Variants in ADAD1 observed in about 807,000 individuals in gnomAD.
The protein encoded by ADAD1 is adenosine deaminase domain containing 1.
ADAD1 carries 46 observed loss-of-function variants against 66.8 expected under a neutral mutation model. The observed-to-expected ratio is 0.69, with a 90% CI of 0.54 to 0.88. The LOEUF is 0.88. ADAD1 is among the 40% of genes least tolerant of loss of function. The probability of loss-of-function intolerance (pLI) is 0.00; values close to 1 mark genes in which losing one functional copy is unlikely to be tolerated. For synonymous variants in ADAD1, 248 were observed against 229.4 expected (o/e 1.08, Z -0.73); for missense variants, 617 against 681.8 (o/e 0.91, Z 1.06).
At chr4:122,404,922 TA>T (rs755699864) in intron 7 of ADAD1, among the ~76,000 whole-genome samples, 3 of 152,200 alleles carry the variant, frequency 2.0e-5, no homozygotes, top group Non-Finnish European at 4.4e-5. Flanking sequence ...CACATCTTGC[TA>T]AATTCCTTCT....
chr4:122,422,311 G>A (rs886526324), intron 12 of ADAD1, among the ~76,000 whole-genome samples: 1 of 152,058 alleles, frequency 6.6e-6, no homozygotes, highest in African/African-American at 2.4e-5. Context: ...TTTCAGTAGA[G>A]ACGGGGTTTC....
intron 12 of ADAD1, among the ~76,000 whole-genome samples, chr4:122,427,923 A>G (rs1797328262): frequency 6.6e-6 from 1 of 152,220 alleles, no homozygotes. Flanking sequence ...TATAGTAATT[A>G]AGACAATGTA....
At chr4:122,423,509 A>C (rs1379056681) in intron 12 of ADAD1, among the ~76,000 whole-genome samples, 1 of 152,220 alleles carries the variant, frequency 6.6e-6, no homozygotes, top group African/African-American at 2.4e-5. Context: ...TTTCACATAC[A>C]AGTTGATCAG....
chr4:122,429,126 T>TAA (rs778440960), intron 12 of ADAD1, among the ~76,000 whole-genome samples: 16 of 139,980 alleles, frequency 1.1e-4, no homozygotes, highest in East Asian at 2.0e-4. Context: ...TTTAAAATGT[T>TAA]AAAAAAAAAA....
chr4:122,422,128 T>C (rs1436833776), intron 12 of ADAD1, among the ~76,000 whole-genome samples: 1 of 146,512 alleles, frequency 6.8e-6, no homozygotes, highest in Non-Finnish European at 1.5e-5. Flanking sequence ...ATCCTTTTTT[T>C]TTTTTTTTTT....
At chr4:122,412,010 G>A (rs1796488627) in intron 9 of ADAD1, among the ~76,000 whole-genome samples, 1 of 152,034 alleles carries the variant, frequency 6.6e-6, no homozygotes, top group African/African-American at 2.4e-5. Flanking sequence ...AATATCATCA[G>A]GTAGCATAAC....
intron 2 of ADAD1, 57 bp from the exon 3 acceptor site, chr4:122,380,005 T>C (rs1794804863): frequency 2.6e-6 from 4 of 1,511,098 alleles, no homozygotes; most frequent in Non-Finnish European, 3.6e-6. Flanking sequence ...GGAGTAAATA[T>C]TTTCAGTTTA....
At chr4:122,410,966 A>G (rs1266672044) in intron 8 of ADAD1, among the ~76,000 whole-genome samples, 2 of 152,170 alleles carry the variant, frequency 1.3e-5, no homozygotes, top group Non-Finnish European at 2.9e-5. Context: ...GGGAGACTCT[A>G]ATGTGAAACA....
At chr4:122,388,278 A>G (rs889749575) in intron 5 of ADAD1, among the ~76,000 whole-genome samples, 6 of 152,180 alleles carry the variant, frequency 3.9e-5, no homozygotes, top group Admixed American at 2.0e-4. Flanking sequence ...CCAGTATTTC[A>G]TTGAAGATTT....
chr4:122,428,082 C>CAAAA (rs60711682), intron 12 of ADAD1, among the ~76,000 whole-genome samples: 68,604 of 151,554 alleles, frequency 0.45, 16,222 homozygotes, highest in Middle Eastern at 0.61. Context: ...GTGGGTAAAA[C>CAAAA]AATTAACTTA....
chr4:122,416,387 T>C (rs1399616081), intron 11 of ADAD1, among the ~76,000 whole-genome samples: 2 of 152,220 alleles, frequency 1.3e-5, no homozygotes, highest in Non-Finnish European at 2.9e-5. Flanking sequence ...TTTAAATGCT[T>C]AAAATTGCTT....
At chr4:122,428,298 C>A (rs1408185561) in intron 12 of ADAD1, among the ~76,000 whole-genome samples, 1 of 151,920 alleles carries the variant, frequency 6.6e-6, no homozygotes, top group Non-Finnish European at 1.5e-5. Context: ...CATTTGACTC[C>A]AAAATAAAAT....
rs555644016 is a variant in ADAD1 at position 122,429,509 on chromosome 4, TAAAA to T, written c.1618-114_1618-111del. The T allele has an allele frequency of 5.0e-6, 3 of 595,734 alleles. No individual in the cohort carries two copies. In the East Asian group the frequency reaches 8.8e-5, roughly 17 times the overall value. 36.9% of individuals were successfully genotyped at this position (595,734 alleles called of 1,614,324 possible). On this transcript the variant is annotated intron_variant, in intron 12 of 12. Transcript: ENST00000296513. ...TTCAAAAATATTAAAATATAGGAATTAAAAAAGACTTTGATTAACTTTTTTAAAT... is the reference window on the plus strand; with the variant it reads ...TTCAAAAATATTAAAATATAGGAATTAAGACTTTGATTAACTTTTTTAAAT...
At chr4:122,381,291 T>G (rs994776468) in intron 4 of ADAD1, 111 bp downstream of exon 4, 1 of 1,099,764 alleles carries the variant, frequency 9.1e-7, no homozygotes, top group Non-Finnish European at 1.3e-6. Flanking sequence ...TGATTGTATG[T>G]TTTCACAAGA....
At chr4:122,398,601 A>G (rs1162415003) in intron 7 of ADAD1, among the ~76,000 whole-genome samples, 1 of 152,086 alleles carries the variant, frequency 6.6e-6, no homozygotes, top group Non-Finnish European at 1.5e-5. Flanking sequence ...CAGCATTGTA[A>G]AAGTATTCCT....
intron 8 of ADAD1, among the ~76,000 whole-genome samples, chr4:122,409,389 T>C (rs950759034): frequency 3.9e-5 from 6 of 152,180 alleles, no homozygotes; most frequent in Non-Finnish European, 7.3e-5. Context: ...TTATAATTTC[T>C]TATTTTTAAT....
rs928846180 is a variant in ADAD1 at position 122,411,101 on chromosome 4, T to C, written c.849-121T>C. 1.1e-5 allele frequency: 8 copies of C among 757,016 alleles called. No individual in the cohort carries two copies. In the African/African-American group the frequency reaches 1.3e-4, roughly 12 times the overall value. 46.9% of individuals were successfully genotyped at this position (757,016 alleles called of 1,614,324 possible). ...AAAGCTAAGATTGATTTAGGAGTTC[T>C]TACCTGTGTCAAAACTTTTAACATG... On this transcript the variant is annotated intron_variant, in intron 8 of 12. Transcript: ENST00000296513.
intron 7 of ADAD1, among the ~76,000 whole-genome samples, chr4:122,397,637 G>A (rs1031765188): frequency 6.6e-6 from 1 of 152,146 alleles, no homozygotes; most frequent in Non-Finnish European, 1.5e-5. Context: ...TGGTTGTGAT[G>A]GAGTGCCTAC....
intron 10 of ADAD1, among the ~76,000 whole-genome samples, chr4:122,413,832 G>T (rs1278263035): frequency 1.6e-5 from 2 of 127,092 alleles, no homozygotes; most frequent in East Asian, 2.2e-4. Context: ...AACTTTTCAC[G>T]CTGCTGCTTA....
Sources: gnomAD v4.1 joint callset for allele counts (sites outside exome capture counted in the v4.1 genomes callset) on GRCh38, gnomAD v4.1.1 for gene constraint, MANE v1.5 for transcripts, NCBI Gene and HGNC (gene_info 2026-07-23, HGNC 2026-07-21) for gene names.